Variants in NSA2 observed in about 807,000 individuals in gnomAD.
NSA2 encodes the protein NSA2 ribosome biogenesis factor.
In NSA2, 18 loss-of-function variants were observed where a neutral mutation model predicts 34.8. The ratio of observed to expected loss-of-function variants is 0.52; its 90% confidence interval spans 0.36 to 0.77. The LOEUF (loss-of-function observed/expected upper bound fraction) is 0.77. NSA2 is among the 30% of genes least tolerant of loss of function. The pLI is 0.00. For missense variants in NSA2, 188 were observed against 314.7 expected, an observed-to-expected ratio of 0.60 and a Z score of 3.05; for synonymous variants, 79 against 100.2, an observed-to-expected ratio of 0.79 and a Z score of 1.26.
chr5:74,778,240 AAACATTTTTCAAAATACTGT>A lies in NSA2; in HGVS notation c.*1574_*1593del. 1 of 152,202 alleles carries A rather than the reference AAACATTTTTCAAAATACTGT, an allele frequency of 6.6e-6. No individual in the cohort carries two copies. The highest frequency in any genetic ancestry group is 6.5e-5 in the Admixed American group (1 of 15,302). The allele number at this position is 152,202 out of a possible 1,614,324, so 9.4% of individuals were successfully genotyped here. On this transcript the variant is annotated 3_prime_UTR_variant, in exon 6 of 6. Coordinates refer to ENST00000610426, the MANE Select transcript of NSA2 (RefSeq NM_014886.6). ...ATGAAAGACGACTAGATGACACCTG[AAACATTTTTCAAAATACTGT>A]AACACAGATGAGTAATATTAGTATA...
Position 74,770,822 on chromosome 5 carries a change from G to T in NSA2, c.522+12G>T. On this transcript the variant is annotated intron_variant, in intron 4 of 5. Coordinates refer to ENST00000610426, the MANE Select transcript of NSA2 (RefSeq NM_014886.6). ...TCATCAGGCCAATGGTAAGTCCTTGGAAGAGTGTAATGACCGAAATGTTAG... is the reference window on the plus strand; with the variant it reads ...TCATCAGGCCAATGGTAAGTCCTTGTAAGAGTGTAATGACCGAAATGTTAG... The T allele has an allele frequency of 1.9e-6, 3 of 1,561,866 alleles. No homozygotes were observed. Among genetic ancestry groups the T allele is most frequent in the Non-Finnish European group, 2.6e-6 (3 of 1,157,280 alleles).
intron 5 of NSA2, among the ~76,000 whole-genome samples, chr5:74,775,407 G>A (rs1745077754): frequency 6.6e-6 from 1 of 151,938 alleles, no homozygotes; most frequent in Non-Finnish European, 1.5e-5. Flanking sequence ...CTTGAGACTG[G>A]AGTTGGAGAC....
chr5:74,771,474 C>G (rs1744925955), intron 4 of NSA2: 1 of 152,108 alleles, frequency 6.6e-6, no homozygotes, highest in Non-Finnish European at 1.5e-5. Flanking sequence ...TTGTCTTTGA[C>G]AGCAGTTCGA....
In NSA2 at chr5:74,768,913, T is replaced by A. The variant is rs1296458508; in HGVS notation, c.4-18T>A. On this transcript the variant is annotated intron_variant, in intron 1 of 5. Coordinates refer to ENST00000610426, the MANE Select transcript of NSA2 (RefSeq NM_014886.6). ...AGTACTTTAAAAAATTAAAATAATA[T>A]TTCTTCCATCATTATAGCCACAGAA... 9 of 1,516,686 alleles carry A rather than the reference T, an allele frequency of 5.9e-6. No homozygotes were observed. In the East Asian group the frequency reaches 2.1e-4, roughly 36 times the overall value. 94.0% of individuals were successfully genotyped at this position (1,516,686 alleles called of 1,614,324 possible).
chr5:74,775,813 G>A (rs1017653481), intron 5 of NSA2, among the ~76,000 whole-genome samples: 3 of 151,176 alleles, frequency 2.0e-5, no homozygotes, highest in East Asian at 1.9e-4. Context: ...AATTTTAAAC[G>A]CCCTCATTTG....
rs1314132571 is a variant in NSA2, at chr5:74,777,676, T to C, written c.*1005T>C. On this transcript the variant is annotated 3_prime_UTR_variant, in exon 6 of 6. Coordinates refer to ENST00000610426, the MANE Select transcript of NSA2 (RefSeq NM_014886.6). ...CAAAGTCATTCAATGTCTAAACAAA[T>C]TCAGTATCTGAAACATCTTCATGAG... 1 of 152,004 alleles carries C rather than the reference T, an allele frequency of 6.6e-6. No individual in the cohort carries two copies. The highest frequency in any genetic ancestry group is 1.5e-5 in the Non-Finnish European group (1 of 67,920). 9.4% of individuals were successfully genotyped at this position (152,004 alleles called of 1,614,324 possible).
At position 74,767,306 on chromosome 5, in the gene NSA2, T is replaced by C. The variant is rs1050451256; in HGVS notation, c.-55T>C. 1 of 1,611,766 alleles carries C rather than the reference T, an allele frequency of 6.2e-7. No homozygotes were observed. Among genetic ancestry groups the C allele is most frequent in the Non-Finnish European group, 8.5e-7 (1 of 1,178,294 alleles). The stretch of plus-strand genomic sequence containing the variant: ...CTTGTGGGTCTTTGAGACCCGAAAA[T>C]TGAGAGCGTTTTCGCACTCCAGCGG... On this transcript the variant is annotated 5_prime_UTR_variant, in exon 1 of 6. Coordinates refer to ENST00000610426, the MANE Select transcript of NSA2 (RefSeq NM_014886.6).
At chr5:74,771,854 A>C (rs956570017) in intron 4 of NSA2, among the ~76,000 whole-genome samples, 1 of 87,282 alleles carries the variant, frequency 1.1e-5, no homozygotes, top group Non-Finnish European at 2.1e-5. Flanking sequence ...ATTCTGTCTC[A>C]AAAAAAAAAA....
At position 74,779,545 on chromosome 5, in the gene NSA2, G is replaced by A. The variant is rs1391221869; in HGVS notation, c.*2874G>A. The stretch of plus-strand genomic sequence containing the variant: ...GAATCTTAACAGAGTATTTCCCTTT[G>A]TGATATTGACAGAAGTTTCTCATAA... On this transcript the variant is annotated 3_prime_UTR_variant, in exon 6 of 6. Transcript: ENST00000610426. 6.6e-6 allele frequency: 1 copy of A among 151,832 alleles called. No individual in the cohort carries two copies. The highest frequency in any genetic ancestry group is 1.5e-5 in the Non-Finnish European group (1 of 67,954). 9.4% of individuals were successfully genotyped at this position (151,832 alleles called of 1,614,324 possible).
intron 4 of NSA2, among the ~76,000 whole-genome samples, chr5:74,773,485 A>T (rs967201760): frequency 1.1e-4 from 16 of 151,330 alleles, no homozygotes; most frequent in Admixed American, 3.3e-4. Flanking sequence ...AAAAAAAAAA[A>T]AAAAATAAGC....
At position 74,769,273 on chromosome 5, in the gene NSA2, G is replaced by A. The variant is rs773397551; in HGVS notation, c.251G>A (p.Gly84Glu). 23 of 1,613,168 alleles carry A rather than the reference G, an allele frequency of 1.4e-5. No individual in the cohort carries two copies. The highest frequency in any genetic ancestry group is 1.9e-5 in the Non-Finnish European group (23 of 1,179,574). Residue 84 changes from glycine (G) to glutamate (E), a missense_variant, in exon 3 of 6, where the codon GGA becomes GAA. Coordinates refer to ENST00000610426, the MANE Select transcript of NSA2 (RefSeq NM_014886.6). ...KQKNDEKTPQGAVPAYLLDRE... is the reference protein window; with the variant it reads ...KQKNDEKTPQEAVPAYLLDRE... Reference sequence around the variant, plus strand: ...AAGAATGATGAAAAGACACCACAGGGAGCAGTACCTGCCTATCTGCTGGAC... The same window carrying A: ...AAGAATGATGAAAAGACACCACAGGAAGCAGTACCTGCCTATCTGCTGGAC...
chr5:74,776,484 T>TAAG, intron 5 of NSA2, 120 bp from the exon 6 acceptor site: 3 of 623,496 alleles, frequency 4.8e-6, no homozygotes, highest in South Asian at 1.9e-5. Context: ...GCCTGGGGAA[T>TAAG]AAGAGTGAAA....
chr5:74,771,166 G>C (rs1283345340), intron 4 of NSA2, among the ~76,000 whole-genome samples: 1 of 151,922 alleles, frequency 6.6e-6, no homozygotes, highest in Non-Finnish European at 1.5e-5. Context: ...TGTAATCCCA[G>C]CTACTAGGGA....
intron 4 of NSA2, 87 bp from the exon 5 acceptor site, chr5:74,773,773 TGGAGATGG>T: frequency 1.1e-6 from 1 of 898,630 alleles, no homozygotes; most frequent in Non-Finnish European, 1.7e-6. Context: ...CATAGTTTTT[TGGAGATGG>T]TTGAAAAAGA....
At chr5:74,772,025 CTGAACT>C (rs1427538127) in intron 4 of NSA2, among the ~76,000 whole-genome samples, 3 of 151,852 alleles carry the variant, frequency 2.0e-5, no homozygotes, top group African/African-American at 4.8e-5. Context: ...TTCAAAGAGA[CTGAACT>C]ATTCTCCCAG....
At position 74,779,027 on chromosome 5, in the gene NSA2, T is replaced by G. The variant is rs1745271785; in HGVS notation, c.*2356T>G. ...TTAGGTTTTTCCAAGTGATCTAACT[T>G]TTCCCTCTATAATCTATAAACCCCA... On this transcript the variant is annotated 3_prime_UTR_variant, in exon 6 of 6. Coordinates refer to ENST00000610426, the MANE Select transcript of NSA2 (RefSeq NM_014886.6). The G allele has an allele frequency of 6.6e-6, 1 of 152,122 alleles. No homozygotes were observed. Among genetic ancestry groups the G allele is most frequent in the Non-Finnish European group, 1.5e-5 (1 of 67,950 alleles). The allele number at this position is 152,122 out of a possible 1,614,324, so 9.4% of individuals were successfully genotyped here. A position where few individuals can be genotyped will look rare whatever the true frequency, so the allele number is the denominator to read the frequency against.
Position 74,769,072 on chromosome 5 carries a change from C to A in NSA2, c.145C>A (p.Leu49Ile). The change falls in exon 2 of 6, where the codon CTT (leucine) becomes ATT (isoleucine). Residue 49 changes from leucine (L) to isoleucine (I), a missense_variant. Transcript: ENST00000610426. ...GAAAATGATTGGTCTGAAGGCTAAG[C>A]TTTACCATAAACAGCGTCATGCTGA... is the stretch of plus-strand genomic sequence containing the variant. Reference protein sequence around the residue: ...AKKMIGLKAKLYHKQRHAEKI... With the variant: ...AKKMIGLKAKIYHKQRHAEKI... The A allele has an allele frequency of 6.2e-7, 1 of 1,612,354 alleles. No homozygotes were observed. Among genetic ancestry groups the A allele is most frequent in the Non-Finnish European group, 8.5e-7 (1 of 1,179,686 alleles).
Position 74,779,728 on chromosome 5 carries a change from G to T in NSA2, c.*3057G>T, listed in dbSNP as rs1745317809. On this transcript the variant is annotated 3_prime_UTR_variant, in exon 6 of 6. Coordinates refer to ENST00000610426, the MANE Select transcript of NSA2 (RefSeq NM_014886.6). ...TCTGGCTTACCTTTGACTAATTAAA[G>T]AAAATATAGGGTAATACAATTGTTC... 6.6e-6 allele frequency: 1 copy of T among 151,864 alleles called. No homozygotes were observed. The allele number at this position is 151,864 out of a possible 1,614,324, so 9.4% of individuals were successfully genotyped here. A position where few individuals can be genotyped will look rare whatever the true frequency, so the allele number is the denominator to read the frequency against.
intron 5 of NSA2, among the ~76,000 whole-genome samples, chr5:74,774,540 C>T (rs1330313007): frequency 6.6e-6 from 1 of 151,988 alleles, no homozygotes; most frequent in Non-Finnish European, 1.5e-5. Context: ...GGAGGCGGAG[C>T]TTGCAGTGAG....
Sources: gnomAD v4.1 joint callset for allele counts (sites outside exome capture counted in the v4.1 genomes callset) on GRCh38, gnomAD v4.1.1 for gene constraint, MANE v1.5 for transcripts, NCBI Gene and HGNC (gene_info 2026-07-23, HGNC 2026-07-21) for gene names.